Variants in RERE observed in about 807,000 individuals in gnomAD.
RERE encodes the protein arginine-glutamic acid dipeptide repeats.
A neutral mutation model predicts 146.1 loss-of-function variants in RERE; 40 were observed. That is an observed-to-expected ratio of 0.27 (90% CI 0.21 to 0.36). The LOEUF (loss-of-function observed/expected upper bound fraction) is 0.36, where lower values mean the gene tolerates loss of function less well. Among genes scored for constraint, RERE ranks in the 10% least tolerant of loss-of-function variants. RERE has a pLI of 1.00. For synonymous variants in RERE, 1,003 were observed against 866.0 expected (o/e 1.16, Z -2.78); for missense variants, 1,933 against 2,138.7 (o/e 0.90, Z 1.90).
chr1:8,499,466 G>C (rs1384156436), intron 8 of RERE, among the ~76,000 whole-genome samples: 1 of 152,108 alleles, frequency 6.6e-6, no homozygotes, highest in Non-Finnish European at 1.5e-5. Flanking sequence ...AGATAGAACC[G>C]CCCCATCCAG....
intron 4 of RERE, among the ~76,000 whole-genome samples, chr1:8,559,860 C>G (rs1646057255): frequency 6.6e-6 from 1 of 152,050 alleles, no homozygotes; most frequent in African/African-American, 2.4e-5. Flanking sequence ...TATTGCTGAC[C>G]AAATACACAG....
At chr1:8,458,676 A>G (rs1644485207) in intron 11 of RERE, among the ~76,000 whole-genome samples, 1 of 152,108 alleles carries the variant, frequency 6.6e-6, no homozygotes, top group Admixed American at 6.5e-5. Flanking sequence ...GGGATGATGG[A>G]CTTAAAAAAA....
intron 1 of RERE, among the ~76,000 whole-genome samples, chr1:8,670,583 A>C (rs1638689216): frequency 6.6e-6 from 1 of 152,226 alleles, no homozygotes; most frequent in Admixed American, 6.5e-5. Flanking sequence ...AATTTAAGGT[A>C]ATCACTGGCA....
intron 6 of RERE, among the ~76,000 whole-genome samples, chr1:8,546,969 T>C (rs1259152477): frequency 2.0e-5 from 3 of 151,506 alleles, no homozygotes; most frequent in Non-Finnish European, 4.4e-5. Context: ...AAAAAGGGGA[T>C]ATGAACAATG....
intron 1 of RERE, among the ~76,000 whole-genome samples, chr1:8,816,951 G>T (rs566292714): frequency 1.3e-5 from 2 of 152,258 alleles, no homozygotes; most frequent in Admixed American, 1.3e-4. Context: ...GGGTCAGAAG[G>T]CACGCAGGAA....
At chr1:8,655,393 G>T (rs532286076) in intron 2 of RERE, among the ~76,000 whole-genome samples, 2 of 152,086 alleles carry the variant, frequency 1.3e-5, no homozygotes, top group African/African-American at 4.8e-5. Flanking sequence ...TTTTAGTAGA[G>T]ACAGGGTTTC....
At chr1:8,367,319 C>T (rs1031281907) in intron 12 of RERE, among the ~76,000 whole-genome samples, 2 of 152,174 alleles carry the variant, frequency 1.3e-5, no homozygotes, top group East Asian at 1.9e-4. Flanking sequence ...GGGTGGCTTC[C>T]GCAAGGCAGG....
At chr1:8,806,522 A>AAATAAT (rs904517094) in intron 1 of RERE, among the ~76,000 whole-genome samples, 2 of 151,884 alleles carry the variant, frequency 1.3e-5, no homozygotes, top group African/African-American at 2.4e-5. Context: ...CCATCTCAAA[A>AAATAAT]AATAATAATA....
At chr1:8,367,999 G>A (rs1320057381) in intron 12 of RERE, among the ~76,000 whole-genome samples, 1 of 152,210 alleles carries the variant, frequency 6.6e-6, no homozygotes, top group African/African-American at 2.4e-5. Context: ...AAGGCAGGGA[G>A]CAGTCACACT....
At chr1:8,757,195 A>G (rs1202737500) in intron 1 of RERE, among the ~76,000 whole-genome samples, 1 of 152,172 alleles carries the variant, frequency 6.6e-6, no homozygotes, top group African/African-American at 2.4e-5. Flanking sequence ...ACACACAAAG[A>G]AAGTGTTAAC....
At chr1:8,805,649 C>CAAA (rs1229860670) in intron 1 of RERE, among the ~76,000 whole-genome samples, 1 of 60,572 alleles carries the variant, frequency 1.7e-5, no homozygotes, top group Non-Finnish European at 3.8e-5. Context: ...GAATCCGTCT[C>CAAA]AAAAAAAAAA....
At chr1:8,517,453 C>G (rs1645434889) in intron 7 of RERE, among the ~76,000 whole-genome samples, 1 of 152,168 alleles carries the variant, frequency 6.6e-6, no homozygotes, top group Non-Finnish European at 1.5e-5. Context: ...CATCTTTATA[C>G]TGTGAATCAT....
In RERE at chr1:8,658,694, T is replaced by G. The variant is rs1638384352; in HGVS notation, c.-144-2253A>C. 2.0e-5 allele frequency among the ~76,000 whole-genome samples: 3 copies of G among 151,012 alleles called. No homozygotes were observed. In the East Asian group the frequency reaches 5.8e-4, roughly 29 times the overall value. ...ACCGCTTGAACCCAGGTGGCAGAGG[T>G]TGCAGTGAGCTGAGATCGTGCCACT... On this transcript the variant is annotated intron_variant, in intron 1 of 22. Transcript: ENST00000400908.
At chr1:8,719,074 G>A (rs1639813095) in intron 1 of RERE, among the ~76,000 whole-genome samples, 1 of 152,166 alleles carries the variant, frequency 6.6e-6, no homozygotes, top group Admixed American at 6.5e-5. Flanking sequence ...GAAACAGGCA[G>A]GGGGCAGCAA....
intron 4 of RERE, among the ~76,000 whole-genome samples, chr1:8,605,745 C>CAAAAAAAAAAAA (rs564574812): frequency 2.4e-3 from 155 of 64,528 alleles, no homozygotes; most frequent in African/African-American, 8.8e-3. Flanking sequence ...ACCCCATCTC[C>CAAAAAAAAAAAA]AAAAAAAAAA....
At chr1:8,413,373 T>TA (rs2124459654) in intron 12 of RERE, among the ~76,000 whole-genome samples, 1 of 152,300 alleles carries the variant, frequency 6.6e-6, no homozygotes, top group South Asian at 2.1e-4. Context: ...TTTTTGAGAC[T>TA]ACTCTGTTGC....
intron 1 of RERE, among the ~76,000 whole-genome samples, chr1:8,743,336 T>C (rs1211432504): frequency 4.6e-5 from 7 of 152,032 alleles, no homozygotes; most frequent in African/African-American, 1.7e-4. Context: ...TGGAATGCAG[T>C]AGTAGAATTT....
At chr1:8,782,473 C>T (rs1257264059) in intron 1 of RERE, among the ~76,000 whole-genome samples, 1 of 152,080 alleles carries the variant, frequency 6.6e-6, no homozygotes, top group East Asian at 1.9e-4. Flanking sequence ...GCTTTACTTA[C>T]ACTTGCCACA....
intron 1 of RERE, among the ~76,000 whole-genome samples, chr1:8,771,434 G>C (rs1640946527): frequency 6.6e-6 from 1 of 151,184 alleles, no homozygotes; most frequent in Admixed American, 6.6e-5. Flanking sequence ...TGAGGCAGGA[G>C]AATCGCTTGA....
Sources: gnomAD v4.1 joint callset for allele counts (sites outside exome capture counted in the v4.1 genomes callset) on GRCh38, gnomAD v4.1.1 for gene constraint, MANE v1.5 for transcripts, NCBI Gene and HGNC (gene_info 2026-07-23, HGNC 2026-07-21) for gene names.